PROM2: variants seen among roughly 807,000 people sequenced by gnomAD.
PROM2 encodes prominin-2.
In PROM2, 90 loss-of-function variants were observed where a neutral mutation model predicts 110.2. The observed-to-expected ratio is 0.82, with a 90% CI of 0.69 to 0.97. The LOEUF (loss-of-function observed/expected upper bound fraction) is 0.97. Ranked by LOEUF, PROM2 falls within the 50% of genes least tolerant of loss-of-function variation. The pLI is 0.00. For synonymous variants in PROM2, 470 were observed against 467.8 expected (o/e 1.00, Z -0.06); for missense variants, 1,009 against 1,074.8 (o/e 0.94, Z 0.86).
chr2:95,283,539 C>A (rs1360882543), intron 14 of PROM2, among the ~76,000 whole-genome samples: 2 of 152,192 alleles, frequency 1.3e-5, no homozygotes, highest in African/African-American at 4.8e-5. Context: ...GCCCGAAGGC[C>A]CCCACCCGAG....
In PROM2 at chr2:95,276,623, C is replaced by A. The variant is rs1409004663; in HGVS notation, c.648C>A (p.Ser216=). The part of the protein sequence containing the change: ...QELQAVAQQF[S]LPQEQVSEEL... ...TGCAGGCCGTGGCACAGCAATTCTC[C>A]CTGCCCCAGGAGCAAGTCTCAGAGG... is the stretch of plus-strand genomic sequence containing the variant. The change falls in exon 5 of 24, where the codon TCC becomes TCA. Residue 216 remains serine (S), a synonymous_variant. Transcript: ENST00000317620. The surrounding 1 kb of genome is among the most constrained non-coding windows in gnomAD (Gnocchi z 4.6). 6.2e-7 allele frequency: 1 copy of A among 1,613,518 alleles called. No homozygotes were observed. The highest frequency in any genetic ancestry group is 1.1e-5 in the South Asian group (1 of 91,034).
At chr2:95,284,220 C>T (rs1238957639) in intron 14 of PROM2, among the ~76,000 whole-genome samples, 1 of 152,154 alleles carries the variant, frequency 6.6e-6, no homozygotes, top group Admixed American at 6.5e-5. Context: ...GAGGCTGGGG[C>T]ATGGTGGCTC....
At position 95,276,162 on chromosome 2, in the gene PROM2, C is replaced by T. The variant is rs763596918; in HGVS notation, c.497+30C>T. On this transcript the variant is annotated intron_variant, in intron 3 of 23. Transcript: ENST00000317620. The surrounding 1 kb of genome is among the most constrained non-coding windows in gnomAD (Gnocchi z 4.6). The stretch of plus-strand genomic sequence containing the variant: ...GGCGCTGCCCAGGGCCCGGGTAGGG[C>T]GGGCTGTGGCCCCCAGGCTCCCTCT... 29 of 1,611,802 alleles carry T rather than the reference C, an allele frequency of 1.8e-5. No individual in the cohort carries two copies. Among genetic ancestry groups the T allele is most frequent in the Middle Eastern group, 1.6e-4 (1 of 6,078 alleles).
In PROM2 at chr2:95,276,291, G is replaced by C. The variant is rs142227441; in HGVS notation, c.562G>C (p.Glu188Gln). Residue 188 changes from glutamate (E) to glutamine (Q), a missense_variant, in exon 4 of 24, where the codon GAG becomes CAG. Physicochemically the swap from Glu to Gln is conservative, Grantham distance 29. Transcript: ENST00000317620. This position sits in a 1 kb window ranked among gnomAD's most constrained non-coding sequence, Gnocchi z 4.6. ...RTHEQMGPSIEAMPETLLSLW... is the reference protein window; with the variant it reads ...RTHEQMGPSIQAMPETLLSLW... ...GCATGAACAGATGGGCCCCAGCATC[G>C]AGGCCATGCCTGAGACCCTGCTCAG... The C allele has an allele frequency of 9.9e-6, 16 of 1,613,702 alleles. No homozygotes were observed. Among genetic ancestry groups the C allele is most frequent in the Non-Finnish European group, 1.3e-5 (15 of 1,180,030 alleles).
intron 7 of PROM2, 73 bp from the exon 8 acceptor site, chr2:95,277,857 C>T (rs1360483878): frequency 2.4e-5 from 31 of 1,303,734 alleles, no homozygotes; most frequent in Non-Finnish European, 3.1e-5. Flanking sequence ...CCCCTGCCCC[C>T]CTCATCCACC....
At chr2:95,284,923 G>A (rs768890100) in intron 14 of PROM2, 46 bp from the exon 15 acceptor site, 1 of 1,580,140 alleles carries the variant, frequency 6.3e-7, no homozygotes, top group African/African-American at 1.3e-5. Flanking sequence ...CTGGGGTCCT[G>A]GCTCAGCAAC....
chr2:95,280,405 CAT>C (rs1189080801), intron 11 of PROM2, among the ~76,000 whole-genome samples: 4 of 152,192 alleles, frequency 2.6e-5, no homozygotes, highest in African/African-American at 7.2e-5. Flanking sequence ...AAATCCACCC[CAT>C]GTTTTACTTT....
In PROM2 at chr2:95,275,825, C is replaced by T. The variant is rs759695022; in HGVS notation, c.295-105C>T. On this transcript the variant is annotated intron_variant, in intron 2 of 23. Coordinates refer to ENST00000317620, the MANE Select transcript of PROM2 (RefSeq NM_001165978.3). The surrounding 1 kb of genome is among the most constrained non-coding windows in gnomAD (Gnocchi z 4.4). ...GGGTTCCATGAGATGCAGGCCATGC[C>T]CCTGACGGCACTCCCGCCCCTTCTG... The T allele has an allele frequency of 2.6e-6, 4 of 1,524,242 alleles. No homozygotes were observed. Among genetic ancestry groups the T allele is most frequent in the Non-Finnish European group, 3.5e-6 (4 of 1,139,594 alleles). The allele number at this position is 1,524,242 out of a possible 1,614,324, so 94.4% of individuals were successfully genotyped here. A position where few individuals can be genotyped will look rare whatever the true frequency, so the allele number is the denominator to read the frequency against.
At position 95,277,056 on chromosome 2, in the gene PROM2, G is replaced by T; in HGVS notation, c.767G>T (p.Gly256Val). 1 of 1,551,036 alleles carries T rather than the reference G, an allele frequency of 6.4e-7. No individual in the cohort carries two copies. ...TTGCTGGCGGCCGTGGGCAGTTTGG[G>T]CCAGGGTGAGCTGGAGCCGCATCCT... is the stretch of plus-strand genomic sequence containing the variant. ...YPLLAAVGSL[G>V]QVLQVSVHHL... Residue 256 changes from glycine to valine, a missense_variant, in exon 6 of 24, where the codon GGC becomes GTC. By Grantham distance (109) the Gly-to-Val change is moderately radical. Transcript: ENST00000317620.
chr2:95,279,308 T>C (rs1676889541), intron 10 of PROM2, among the ~76,000 whole-genome samples, 164 bp downstream of exon 10: 1 of 151,684 alleles, frequency 6.6e-6, no homozygotes, highest in Non-Finnish European at 1.5e-5. Flanking sequence ...TTCATTTTTT[T>C]TTTTTTTGAG....
At chr2:95,286,043 C>T (rs944821032) in intron 16 of PROM2, among the ~76,000 whole-genome samples, 2 of 152,246 alleles carry the variant, frequency 1.3e-5, no homozygotes, top group African/African-American at 4.8e-5. Flanking sequence ...GTGTGTGCCA[C>T]TTGTGGGATT....
rs553459907 is a variant in PROM2 at position 95,284,984 on chromosome 2, C to T, written c.1744C>T (p.Arg582Trp). Reference sequence around the variant, plus strand: ...GCTCTCCCAGTATACCAACAAGCTACGGCAGGAGTTGCAGAGCCTGAAAGT... The same window carrying T: ...GCTCTCCCAGTATACCAACAAGCTATGGCAGGAGTTGCAGAGCCTGAAAGT... ...LDINQYTNKLRQELQSLKVDT... is the reference protein window; with the variant it reads ...LDINQYTNKLWQELQSLKVDT... The change falls in exon 15 of 24, where the codon CGG becomes TGG. Residue 582 changes from arginine (R) to tryptophan (W), a missense_variant. Physicochemically the swap from Arg to Trp is moderately radical, Grantham distance 101 (BLOSUM62 -3). Coordinates refer to ENST00000317620, the MANE Select transcript of PROM2 (RefSeq NM_001165978.3). 2.4e-5 allele frequency: 38 copies of T among 1,610,120 alleles called. No individual in the cohort carries two copies. The highest frequency in any genetic ancestry group is 1.8e-4 in the East Asian group (8 of 44,840).
rs1408569554 is a variant in PROM2 at position 95,285,711 on chromosome 2, G to A, written c.1947+1G>A. 4.1e-5 allele frequency: 65 copies of A among 1,596,036 alleles called. No homozygotes were observed. The highest frequency in any genetic ancestry group is 5.6e-5 in the Non-Finnish European group (65 of 1,171,032). On this transcript the variant is annotated splice_donor_variant, in intron 16 of 23. Coordinates refer to ENST00000317620, the MANE Select transcript of PROM2 (RefSeq NM_001165978.3). LOFTEE classifies it high-confidence loss of function. ...GCTGCAAGGACTGGCCCAGGCCCAA[G>A]TGAGTGGGAAACAGGGCCCCGACTG... is the stretch of plus-strand genomic sequence containing the variant.
In PROM2 at chr2:95,277,446, A is replaced by C. The variant is rs764639076; in HGVS notation, c.855A>C (p.Pro285=). Residue 285 remains proline (P), a synonymous_variant, in exon 7 of 24, where the codon CCA becomes CCC. Coordinates refer to ENST00000317620, the MANE Select transcript of PROM2 (RefSeq NM_001165978.3). ...AGGCCGGGCAGCAGGACCTGGAGCC[A>C]GCCATCCGGGAACACCGGGACCGCC... ...ELQAGQQDLE[P]AIREHRDRLL... 1 of 1,613,240 alleles carries C rather than the reference A, an allele frequency of 6.2e-7. No individual in the cohort carries two copies. The highest frequency in any genetic ancestry group is 1.1e-5 in the South Asian group (1 of 91,058).
At chr2:95,287,542 G>A (rs1258544526) in intron 20 of PROM2, 78 bp downstream of exon 20, 33 of 1,448,980 alleles carry the variant, frequency 2.3e-5, no homozygotes, top group East Asian at 1.2e-4. Context: ...CCCCGCCCCC[G>A]CCCCCGGAGC....
At chr2:95,281,212 T>C (rs1573453445) in intron 11 of PROM2, 30 bp from the exon 12 acceptor site, 1 of 1,607,702 alleles carries the variant, frequency 6.2e-7, no homozygotes, top group Non-Finnish European at 8.5e-7. Flanking sequence ...GTCCCTGCTG[T>C]CCCTCAGTCC....
Position 95,276,241 on chromosome 2 carries a change from G to A in PROM2, c.512G>A (p.Cys171Tyr). 6.2e-7 allele frequency: 1 copy of A among 1,614,006 alleles called. No individual in the cohort carries two copies. Among genetic ancestry groups the A allele is most frequent in the Non-Finnish European group, 8.5e-7 (1 of 1,180,042 alleles). The change falls in exon 4 of 24, where the codon TGT becomes TAT. Residue 171 changes from cysteine to tyrosine, a missense_variant. Cys to Tyr is a radical substitution (Grantham distance 194). Coordinates refer to ENST00000317620, the MANE Select transcript of PROM2 (RefSeq NM_001165978.3). This position sits in a 1 kb window ranked among gnomAD's most constrained non-coding sequence, Gnocchi z 4.6. Reference sequence around the variant, plus strand: ...CATTCCCACAGGATTGGTGTGGTCTGTGCCTTTGTCACCAACCAGCGCACG... The same window carrying A: ...CATTCCCACAGGATTGGTGTGGTCTATGCCTTTGTCACCAACCAGCGCACG... Reference protein sequence around the residue: ...TTLLLLIGVVCAFVTNQRTHE... With the variant: ...TTLLLLIGVVYAFVTNQRTHE...
chr2:95,280,723 T>G (rs1353539993), intron 11 of PROM2, among the ~76,000 whole-genome samples: 1 of 152,192 alleles, frequency 6.6e-6, no homozygotes, highest in African/African-American at 2.4e-5. Context: ...TGGCTCACTA[T>G]AGCCTCACCC....
At chr2:95,284,743 C>T (rs1677244363) in intron 14 of PROM2, among the ~76,000 whole-genome samples, 2 of 152,222 alleles carry the variant, frequency 1.3e-5, no homozygotes, top group Admixed American at 1.3e-4. Context: ...TCACTCATCA[C>T]ATGGCAATGG....
Sources: gnomAD v4.1 joint callset for allele counts (sites outside exome capture counted in the v4.1 genomes callset) on GRCh38, gnomAD v4.1.1 for gene constraint, Gnocchi (gnomAD v3.1) non-coding constraint, MANE v1.5 for transcripts, NCBI Gene and HGNC (gene_info 2026-07-23, HGNC 2026-07-21) for gene names.